Variants in JADE3 observed in about 807,000 individuals in gnomAD.
JADE3 encodes the protein jade family PHD finger 3.
A neutral mutation model predicts 50.1 loss-of-function variants in JADE3; 2 were observed. The observed-to-expected ratio is 0.04, with a 90% confidence interval of 0.02 to 0.13. JADE3 has a LOEUF of 0.13. Ranked by LOEUF, JADE3 falls within the 10% of genes least tolerant of loss-of-function variation. JADE3 has a pLI of 1.00. For synonymous variants in JADE3, 218 were observed against 232.9 expected, an observed-to-expected ratio of 0.94 and a Z score of 0.58; for missense variants, 475 against 634.4, an observed-to-expected ratio of 0.75 and a Z score of 2.70.
intron 1 of JADE3, among the ~76,000 whole-genome samples, chrX:46,955,667 CTG>C (rs782645868): frequency 1.3e-4 from 14 of 111,208 alleles, no homozygotes; most frequent in African/African-American, 3.6e-4. Context: ...AATTTAGAAA[CTG>C]AGAGGTTCCA....
intron 1 of JADE3, among the ~76,000 whole-genome samples, chrX:46,927,270 A>G (rs72616712): frequency 8.9e-6 from 1 of 112,545 alleles, no homozygotes; most frequent in Admixed American, 9.4e-5. Flanking sequence ...TGTATGACAT[A>G]CTGAATATAT....
intron 1 of JADE3, among the ~76,000 whole-genome samples, chrX:46,919,562 A>C (rs782127550): frequency 1.1e-4 from 12 of 112,003 alleles, no homozygotes; most frequent in African/African-American, 3.9e-4. Context: ...AGTGGCCAGG[A>C]ATTACCAATT....
intron 1 of JADE3, among the ~76,000 whole-genome samples, chrX:46,916,738 G>T (rs782800555): frequency 4.5e-5 from 5 of 111,728 alleles, no homozygotes; most frequent in Non-Finnish European, 9.4e-5. Context: ...TTTGCTAGGG[G>T]TATAAGAGGT....
chrX:46,927,056 G>A (rs191334917), intron 1 of JADE3, among the ~76,000 whole-genome samples: 1 of 112,214 alleles, frequency 8.9e-6, no homozygotes, highest in East Asian at 2.8e-4. Context: ...ACCATTCATG[G>A]TAAAACTAGT....
chrX:46,990,211 G>T (rs193291146), intron 3 of JADE3, among the ~76,000 whole-genome samples: 9 of 111,205 alleles, frequency 8.1e-5, no homozygotes, highest in Middle Eastern at 9.2e-3. Flanking sequence ...GTCTCTTCTC[G>T]TTCCCAGTTC....
chrX:47,021,638 A>T (rs1178165328), intron 4 of JADE3, among the ~76,000 whole-genome samples: 1 of 112,161 alleles, frequency 8.9e-6, no homozygotes, highest in Non-Finnish European at 1.9e-5. Context: ...AAGTTTAATT[A>T]TTCTGGTAGA....
chrX:47,045,789 C>T (rs1350946940), intron 8 of JADE3, among the ~76,000 whole-genome samples: 3 of 109,554 alleles, frequency 2.7e-5, no homozygotes, highest in Non-Finnish European at 5.7e-5. Flanking sequence ...TGCTCCTGAA[C>T]GACCAGTAGG....
At chrX:46,921,737 C>T (rs1926226040) in intron 1 of JADE3, among the ~76,000 whole-genome samples, 1 of 110,994 alleles carries the variant, frequency 9.0e-6, no homozygotes. Context: ...CCCCTTTAAC[C>T]TATCTTTTGA....
chrX:47,037,109 TAAAAAAAAAAAGG>T (rs1260979274), intron 7 of JADE3, among the ~76,000 whole-genome samples: 4 of 83,201 alleles, frequency 4.8e-5, no homozygotes, highest in Non-Finnish European at 1.0e-4. Context: ...TAAAGTATAA[TAAAAAAAAAAAGG>T]AAAAAAAAAA....
At chrX:46,994,493 A>G (rs1208667217) in intron 3 of JADE3, among the ~76,000 whole-genome samples, 1 of 112,446 alleles carries the variant, frequency 8.9e-6, no homozygotes, top group Non-Finnish European at 1.9e-5. Context: ...CAACTTCATT[A>G]CCTAGAAAGG....
rs1556374199 is a variant in JADE3, at chrX:47,058,847, G to A, written c.2242G>A (p.Gly748Ser). Reference sequence around the variant, plus strand: ...TATGAGCCCCAAGGAGCAGTTCTGGGGTAGACAGGTTCTCAGGCGGTCTGC... The same window carrying A: ...TATGAGCCCCAAGGAGCAGTTCTGGAGTAGACAGGTTCTCAGGCGGTCTGC... ...KNMSPKEQFW[G>S]RQVLRRSAGR... is the part of the protein sequence containing the mutation. Residue 748 changes from glycine to serine, a missense_variant, in exon 11 of 11, where the codon GGT (glycine) becomes AGT (serine). Gly to Ser is a moderately conservative substitution (Grantham distance 56). Transcript: ENST00000614628. 8.3e-7 allele frequency: 1 copy of A among 1,210,426 alleles called. No individual in the cohort carries two copies. The highest frequency in any genetic ancestry group is 1.1e-6 in the Non-Finnish European group (1 of 894,346).
At chrX:47,051,719 C>T (rs782472670) in intron 8 of JADE3, among the ~76,000 whole-genome samples, 1 of 110,323 alleles carries the variant, frequency 9.1e-6, no homozygotes, top group East Asian at 2.8e-4. Context: ...ATCGATTGAA[C>T]CCAGGAGGCA....
At chrX:46,915,699 A>T (rs1000313480) in intron 1 of JADE3, among the ~76,000 whole-genome samples, 2 of 110,604 alleles carry the variant, frequency 1.8e-5, no homozygotes, top group East Asian at 5.6e-4. Flanking sequence ...CTTTCCATAG[A>T]TAATAACAAC....
rs191163639 is a variant in JADE3 at position 46,979,141 on chromosome X, C to T, written c.-11-5743C>T. Among the ~76,000 whole-genome samples the T allele has an allele frequency of 2.6e-3, 290 of 111,793 alleles. 1 individual carries two copies. The highest frequency in any genetic ancestry group is 8.9e-3 in the African/African-American group (273 of 30,772). On this transcript the variant is annotated intron_variant, in intron 1 of 10. Coordinates refer to ENST00000614628, the MANE Select transcript of JADE3 (RefSeq NM_014735.5). ...TAACTCGTATTAGATAATCTGTTTC[C>T]TAGGCTTTTTACTGATAATACAAGA...
At chrX:47,045,011 A>G (rs1929342231) in intron 8 of JADE3, among the ~76,000 whole-genome samples, 2 of 111,997 alleles carry the variant, frequency 1.8e-5, no homozygotes, top group African/African-American at 6.5e-5. Flanking sequence ...AGACAAGAAC[A>G]AAAGAAGGAA....
At chrX:47,033,854 G>A (rs931741612) in intron 7 of JADE3, 66 bp downstream of exon 7, 1 of 923,962 alleles carries the variant, frequency 1.1e-6, no homozygotes, top group Non-Finnish European at 1.5e-6. Context: ...ACAGCATTCA[G>A]ACTGACTCAG....
At chrX:46,918,868 T>C (rs1001197187) in intron 1 of JADE3, among the ~76,000 whole-genome samples, 2 of 112,440 alleles carry the variant, frequency 1.8e-5, no homozygotes, top group African/African-American at 3.2e-5. Context: ...TTTGCTATTG[T>C]CCCATAAGCT....
intron 1 of JADE3, among the ~76,000 whole-genome samples, chrX:46,970,675 C>T (rs782371033): frequency 9.0e-6 from 1 of 111,697 alleles, no homozygotes; most frequent in Admixed American, 9.5e-5. Flanking sequence ...TTTGAACTTG[C>T]TCAGTAAGTT....
chrX:46,945,669 T>G (rs1556343234), intron 1 of JADE3, among the ~76,000 whole-genome samples: 2 of 111,680 alleles, frequency 1.8e-5, no homozygotes, highest in Non-Finnish European at 3.8e-5. Flanking sequence ...TAGGTTTCTG[T>G]GAAGAGCCTC....
Sources: allele counts gnomAD v4.1 joint callset (sites outside exome capture counted in the v4.1 genomes callset), GRCh38; gene constraint gnomAD v4.1.1; transcripts MANE v1.5; gene names NCBI Gene and HGNC (gene_info 2026-07-23, HGNC 2026-07-21).